The following NELL1 variants were observed in gnomAD, a reference collection of about 807,000 sequenced individuals.
NELL1 encodes protein kinase C-binding protein NELL1.
A neutral mutation model predicts 107.4 loss-of-function variants in NELL1; 76 were observed. The ratio of observed to expected loss-of-function variants is 0.71; its 90% CI spans 0.59 to 0.86. The LOEUF is 0.86. Ranked by LOEUF, NELL1 falls within the 40% of genes least tolerant of loss-of-function variation. NELL1 has a pLI of 0.00. For synonymous variants in NELL1, 353 were observed against 341.2 expected (o/e 1.03, Z -0.38); for missense variants, 1,024 against 1,005.5 (o/e 1.02, Z -0.25).
At chr11:20,700,500 AT>A (rs55750586) in intron 2 of NELL1, among the ~76,000 whole-genome samples, 9,834 of 151,222 alleles carry the variant, frequency 0.065, 441 homozygotes, top group Middle Eastern at 0.13. Flanking sequence ...AGAAAAAAAA[AT>A]ATATATATTT....
chr11:21,302,686 C>T (rs1590818818), intron 14 of NELL1, among the ~76,000 whole-genome samples: 1 of 151,928 alleles, frequency 6.6e-6, no homozygotes, highest in African/African-American at 2.4e-5. Context: ...TTTATTAACT[C>T]ATGTGCTGAT....
At chr11:20,735,301 A>T (rs1201739921) in intron 2 of NELL1, among the ~76,000 whole-genome samples, 1 of 152,160 alleles carries the variant, frequency 6.6e-6, no homozygotes, top group African/African-American at 2.4e-5. Flanking sequence ...AGACTGGGTA[A>T]TTTATAAAGG....
At chr11:20,782,964 C>T (rs916964998) in intron 2 of NELL1, among the ~76,000 whole-genome samples, 16 of 152,144 alleles carry the variant, frequency 1.1e-4, no homozygotes, top group African/African-American at 3.9e-4. Flanking sequence ...AATCACACAC[C>T]TCTAGGCCTG....
At chr11:21,262,717 A>T (rs1848558324) in intron 14 of NELL1, 1 of 151,844 alleles carries the variant, frequency 6.6e-6, no homozygotes. Flanking sequence ...TTTAAATTTC[A>T]TGATGATATT....
intron 16 of NELL1, among the ~76,000 whole-genome samples, chr11:21,550,256 G>C (rs1427351998): frequency 6.6e-6 from 1 of 151,932 alleles, no homozygotes; most frequent in Non-Finnish European, 1.5e-5. Flanking sequence ...TGTCAGATGA[G>C]TAGGTTGCAA....
At chr11:20,739,479 A>G (rs1028453798) in intron 2 of NELL1, among the ~76,000 whole-genome samples, 2 of 152,224 alleles carry the variant, frequency 1.3e-5, no homozygotes, top group Admixed American at 6.5e-5. Context: ...CCAGCAGACA[A>G]TAATCCAGCC....
intron 15 of NELL1, among the ~76,000 whole-genome samples, chr11:21,414,518 T>C (rs1852457256): frequency 7.7e-6 from 1 of 129,238 alleles, no homozygotes; most frequent in South Asian, 2.7e-4. Flanking sequence ...GAGTCACTGA[T>C]ACGGCAAATG....
At chr11:20,947,233 G>C in intron 10 of NELL1, 103 bp from the exon 11 acceptor site, 1 of 725,704 alleles carries the variant, frequency 1.4e-6, no homozygotes, top group Non-Finnish European at 2.5e-6. Flanking sequence ...ATTAATTATT[G>C]TATGTTGTTA....
chr11:20,707,324 G>A (rs1854991475), intron 2 of NELL1, among the ~76,000 whole-genome samples: 1 of 151,546 alleles, frequency 6.6e-6, no homozygotes, highest in Non-Finnish European at 1.5e-5. Flanking sequence ...CTTTAGCTCA[G>A]AGAAGTTTGT....
At chr11:20,809,110 T>C (rs1857446400) in intron 3 of NELL1, among the ~76,000 whole-genome samples, 1 of 152,160 alleles carries the variant, frequency 6.6e-6, no homozygotes, top group Non-Finnish European at 1.5e-5. Flanking sequence ...TGAAATAGGA[T>C]TGGAAGGGCA....
At chr11:21,426,387 A>T (rs1398577786) in intron 15 of NELL1, among the ~76,000 whole-genome samples, 1 of 152,238 alleles carries the variant, frequency 6.6e-6, no homozygotes, top group Non-Finnish European at 1.5e-5. Context: ...TCTGGCTGAA[A>T]AATGAATGAA....
chr11:21,346,663 A>T (rs1850689458), intron 14 of NELL1, among the ~76,000 whole-genome samples: 1 of 148,220 alleles, frequency 6.7e-6, no homozygotes, highest in African/African-American at 2.4e-5. Flanking sequence ...ATCAATTTAT[A>T]ATATCAAATT....
At chr11:20,724,527 C>G (rs932519252) in intron 2 of NELL1, among the ~76,000 whole-genome samples, 3 of 152,212 alleles carry the variant, frequency 2.0e-5, no homozygotes, top group Non-Finnish European at 2.9e-5. Flanking sequence ...GAAAATGCCA[C>G]CAGTCTCTTT....
At chr11:20,842,452 G>C (rs1848638302) in intron 3 of NELL1, among the ~76,000 whole-genome samples, 1 of 152,048 alleles carries the variant, frequency 6.6e-6, no homozygotes, top group Admixed American at 6.6e-5. Context: ...AAGAATGAGG[G>C]CTGGCACCTG....
rs182349084 is a variant in NELL1 at position 20,701,120 on chromosome 11, C to T, written c.184+23060C>T. 8.3e-3 allele frequency among the ~76,000 whole-genome samples: 1,265 copies of T among 152,286 alleles called. 13 individuals carry two copies. The highest frequency in any genetic ancestry group is 0.029 in the African/African-American group (1,203 of 41,552). ...CAATGGTTGGACTAGTTTACAGCCC[C>T]ACCAACAGTGTAAAAGTGTTCCTAT... On this transcript the variant is annotated intron_variant, in intron 2 of 19. Transcript: ENST00000357134.
At chr11:21,084,848 T>A (rs1051040347) in intron 12 of NELL1, among the ~76,000 whole-genome samples, 1 of 152,090 alleles carries the variant, frequency 6.6e-6, no homozygotes, top group Non-Finnish European at 1.5e-5. Context: ...CTGTCCAGGA[T>A]TTTCCTTTTT....
At chr11:20,734,517 A>G (rs1855717446) in intron 2 of NELL1, among the ~76,000 whole-genome samples, 1 of 152,184 alleles carries the variant, frequency 6.6e-6, no homozygotes, top group Non-Finnish European at 1.5e-5. Flanking sequence ...TATATTTTAT[A>G]GGTAGAGACA....
intron 5 of NELL1, among the ~76,000 whole-genome samples, chr11:20,913,702 C>T (rs959128213): frequency 2.6e-5 from 4 of 151,928 alleles, no homozygotes; most frequent in Non-Finnish European, 5.9e-5. Context: ...TGCCGTCCAT[C>T]CGTACTAAAT....
chr11:21,503,374 C>CA (rs1349798635), intron 15 of NELL1, among the ~76,000 whole-genome samples: 21 of 152,168 alleles, frequency 1.4e-4, no homozygotes, highest in African/African-American at 5.1e-4. Context: ...GTGACTAGAC[C>CA]AATGTTAAGA....
Sources: gnomAD v4.1 joint callset for allele counts (sites outside exome capture counted in the v4.1 genomes callset) on GRCh38, gnomAD v4.1.1 for gene constraint, MANE v1.5 for transcripts, NCBI Gene and HGNC (gene_info 2026-07-23, HGNC 2026-07-21) for gene names.